CNTN4: variants seen among roughly 807,000 people sequenced by gnomAD.
The protein encoded by CNTN4 is contactin-4.
Under a neutral mutation model 122.5 loss-of-function variants are expected in CNTN4, and 77 were observed. The observed-to-expected ratio is 0.63, with a 90% CI of 0.52 to 0.76. The LOEUF is 0.76. Ranked by LOEUF, CNTN4 falls within the 30% of genes least tolerant of loss-of-function variation. The pLI is 0.00. For missense variants in CNTN4, 1,256 were observed against 1,259.1 expected (o/e 1.00, Z 0.04); for synonymous variants, 512 against 447.0 (o/e 1.15, Z -1.83).
intron 3 of CNTN4, among the ~76,000 whole-genome samples, chr3:2,527,574 T>C (rs2077444164): frequency 6.6e-6 from 1 of 152,176 alleles, no homozygotes; most frequent in Non-Finnish European, 1.5e-5. Context: ...TATCTTTGCA[T>C]GCGGTGTAAA....
intron 6 of CNTN4, among the ~76,000 whole-genome samples, chr3:2,808,324 A>T (rs1484755197): frequency 1.3e-5 from 2 of 152,248 alleles, no homozygotes; most frequent in Non-Finnish European, 2.9e-5. Flanking sequence ...GAGAATATTC[A>T]TTCTGGTGTT....
Position 2,841,250 on chromosome 3 carries a change from G to C in CNTN4, c.454+21669G>C, listed in dbSNP as rs1320251754. Among the ~76,000 whole-genome samples the C allele has an allele frequency of 1.3e-5, 2 of 152,168 alleles. No homozygotes were observed. The highest frequency in any genetic ancestry group is 2.9e-5 in the Non-Finnish European group (2 of 68,032). On this transcript the variant is annotated intron_variant, in intron 7 of 24. Coordinates refer to ENST00000418658, the MANE Select transcript of CNTN4 (RefSeq NM_175607.3). This position sits in a 1 kb window ranked among gnomAD's most constrained non-coding sequence, Gnocchi z 4.8. ...TGGGTGGATTTTAACTTTTAACCCA[G>C]TTTTTCAGATGTGTTAATATATAGT...
chr3:2,813,819 G>A (rs1009928049), intron 6 of CNTN4, among the ~76,000 whole-genome samples: 4 of 152,058 alleles, frequency 2.6e-5, no homozygotes, highest in South Asian at 4.1e-4. Context: ...CAAAAAATAC[G>A]TGGACATTTT....
chr3:2,823,966 G>A (rs112439296), intron 7 of CNTN4, among the ~76,000 whole-genome samples: 3,371 of 152,158 alleles, frequency 0.022, 74 homozygotes, highest in African/African-American at 0.057. Flanking sequence ...TAAGATCTCC[G>A]AGTGATCATA....
chr3:2,449,470 C>G (rs1300617128), intron 3 of CNTN4, among the ~76,000 whole-genome samples: 1 of 152,062 alleles, frequency 6.6e-6, no homozygotes, highest in African/African-American at 2.4e-5. Flanking sequence ...CAAAAATTAG[C>G]CGGGCGTGGT....
chr3:2,632,183 G>C (rs1032919181), intron 4 of CNTN4, among the ~76,000 whole-genome samples: 1 of 151,916 alleles, frequency 6.6e-6, no homozygotes, highest in Non-Finnish European at 1.5e-5. Flanking sequence ...TTTTCTAATT[G>C]TTTAATTCCC....
intron 3 of CNTN4, among the ~76,000 whole-genome samples, chr3:2,343,396 GC>G (rs1465564566): frequency 6.6e-6 from 1 of 152,124 alleles, no homozygotes; most frequent in East Asian, 1.9e-4. Context: ...CCTCTAATTT[GC>G]CCCCTCCTGC....
chr3:3,030,667 G>C (rs1433071551), intron 15 of CNTN4, among the ~76,000 whole-genome samples, 188 bp from the exon 16 acceptor site: 1 of 152,186 alleles, frequency 6.6e-6, no homozygotes, highest in Non-Finnish European at 1.5e-5. Context: ...TCGAAGATGT[G>C]TTCTGAAAAC....
intron 2 of CNTN4, among the ~76,000 whole-genome samples, chr3:2,210,001 G>A (rs1372417193): frequency 6.6e-6 from 1 of 151,784 alleles, no homozygotes; most frequent in East Asian, 1.9e-4. Context: ...GCATAGCCTA[G>A]CCTTTCCTGG....
At chr3:3,023,240 C>T (rs1364507493) in intron 14 of CNTN4, among the ~76,000 whole-genome samples, 1 of 152,156 alleles carries the variant, frequency 6.6e-6, no homozygotes. Context: ...CCCTAGGAGA[C>T]CTCTCTGGTA....
chr3:2,266,128 C>T (rs999875202), intron 2 of CNTN4, among the ~76,000 whole-genome samples: 2 of 152,016 alleles, frequency 1.3e-5, no homozygotes, highest in Non-Finnish European at 2.9e-5. Flanking sequence ...ATATGGGCAT[C>T]TTTGTCTTGT....
At chr3:2,209,010 G>A (rs1248425966) in intron 2 of CNTN4, among the ~76,000 whole-genome samples, 1 of 152,070 alleles carries the variant, frequency 6.6e-6, no homozygotes, top group Non-Finnish European at 1.5e-5. Context: ...TTGTGATATT[G>A]TTCTGTTGAT....
chr3:2,416,856 A>G (rs375585195), intron 3 of CNTN4, among the ~76,000 whole-genome samples: 15 of 151,954 alleles, frequency 9.9e-5, no homozygotes, highest in African/African-American at 1.9e-4. Context: ...GGGTTTCACC[A>G]TGTTAGCCAG....
At chr3:2,427,335 T>C (rs1371759433) in intron 3 of CNTN4, among the ~76,000 whole-genome samples, 1 of 152,212 alleles carries the variant, frequency 6.6e-6, no homozygotes, top group Non-Finnish European at 1.5e-5. Flanking sequence ...ATGTACCCAG[T>C]AGTCATTCAG....
chr3:3,016,120 G>A (rs1697734264), intron 14 of CNTN4, among the ~76,000 whole-genome samples: 1 of 152,122 alleles, frequency 6.6e-6, no homozygotes, highest in Admixed American at 6.6e-5. Flanking sequence ...TCCCATTTAT[G>A]ATTCTTTTTT....
intron 4 of CNTN4, chr3:2,735,848 G>C (rs1453197404): frequency 9.5e-6 from 4 of 420,074 alleles, no homozygotes; most frequent in Non-Finnish European, 1.9e-5. Flanking sequence ...TATGACACTA[G>C]ACAGCCATCC....
chr3:2,588,929 G>A (rs898340273), intron 4 of CNTN4, among the ~76,000 whole-genome samples: 2 of 151,932 alleles, frequency 1.3e-5, no homozygotes, highest in South Asian at 4.2e-4. Flanking sequence ...TATTTGTTGT[G>A]TATTTTAACT....
chr3:2,442,297 C>T (rs1349148008), intron 3 of CNTN4, among the ~76,000 whole-genome samples: 2 of 151,974 alleles, frequency 1.3e-5, no homozygotes, highest in Non-Finnish European at 2.9e-5. Context: ...TTGTCTGGAA[C>T]TGCCAAAAAA....
intron 13 of CNTN4, among the ~76,000 whole-genome samples, chr3:2,938,983 G>C (rs1214708360): frequency 5.3e-5 from 8 of 152,198 alleles, no homozygotes; most frequent in Non-Finnish European, 1.2e-4. Context: ...CTTCTCAGTA[G>C]AGACAAGGCA....
Sources: gnomAD v4.1 joint callset for allele counts (sites outside exome capture counted in the v4.1 genomes callset) on GRCh38, gnomAD v4.1.1 for gene constraint, Gnocchi (gnomAD v3.1) non-coding constraint, MANE v1.5 for transcripts, NCBI Gene and HGNC (gene_info 2026-07-23, HGNC 2026-07-21) for gene names.